Variants in SEC23B observed in about 807,000 individuals in gnomAD.
The protein encoded by SEC23B is protein transport protein Sec23B.
In SEC23B, 77 loss-of-function variants were observed where a neutral mutation model predicts 104.3. The ratio of observed to expected loss-of-function variants is 0.74; its 90% CI spans 0.61 to 0.89. The LOEUF (loss-of-function observed/expected upper bound fraction) is 0.89, where lower values mean the gene tolerates loss of function less well. SEC23B is among the 40% of genes least tolerant of loss of function. The pLI is 0.00. For synonymous variants in SEC23B, 338 were observed against 332.5 expected, an observed-to-expected ratio of 1.02 and a Z score of -0.18; for missense variants, 885 against 949.4, an observed-to-expected ratio of 0.93 and a Z score of 0.89.
At chr20:18,534,506 G>T (rs553211325) in intron 11 of SEC23B, among the ~76,000 whole-genome samples, 3 of 152,292 alleles carry the variant, frequency 2.0e-5, no homozygotes, top group South Asian at 4.1e-4. Flanking sequence ...CACTATGTCT[G>T]CTGTCCCGTG....
In SEC23B at chr20:18,545,459, G is replaced by A. The variant is rs534688363; in HGVS notation, c.1666-497G>A. ...GAAGAAAGTAATTGTTAGAAATGGGGTTTCTTTAAATGATGAACAGTCCAA... is the reference window on the plus strand; with the variant it reads ...GAAGAAAGTAATTGTTAGAAATGGGATTTCTTTAAATGATGAACAGTCCAA... On this transcript the variant is annotated intron_variant, in intron 14 of 19. Coordinates refer to ENST00000650089, the MANE Select transcript of SEC23B (RefSeq NM_006363.6). Among the ~76,000 whole-genome samples, 167 of 152,298 alleles carry A rather than the reference G, an allele frequency of 1.1e-3. 1 individual carries two copies. The highest frequency in any genetic ancestry group is 3.8e-3 in the African/African-American group (159 of 41,556).
At chr20:18,542,014 T>A (rs148739810) in intron 12 of SEC23B, among the ~76,000 whole-genome samples, 6 of 152,234 alleles carry the variant, frequency 3.9e-5, no homozygotes, top group Non-Finnish European at 8.8e-5. Flanking sequence ...ATCTTCGTTT[T>A]GCTGCATTTC....
chr20:18,547,427 G>T (rs2060342661), intron 15 of SEC23B, among the ~76,000 whole-genome samples: 1 of 152,156 alleles, frequency 6.6e-6, no homozygotes, highest in East Asian at 1.9e-4. Context: ...TGGAGTCTCA[G>T]GAAGCTTTAC....
intron 19 of SEC23B, among the ~76,000 whole-genome samples, chr20:18,560,151 TTAC>T (rs2060478840): frequency 1.3e-5 from 2 of 152,122 alleles, no homozygotes; most frequent in Admixed American, 1.3e-4. Context: ...AATTGGAATC[TTAC>T]TACAAATTGA....
At chr20:18,519,475 G>T (rs760679880) in intron 4 of SEC23B, among the ~76,000 whole-genome samples, 1 of 152,206 alleles carries the variant, frequency 6.6e-6, no homozygotes, top group Non-Finnish European at 1.5e-5. Context: ...AGCAGCTGCC[G>T]CACGGAGACA....
intron 4 of SEC23B, among the ~76,000 whole-genome samples, chr20:18,523,695 C>T (rs1391050368): frequency 9.3e-5 from 14 of 150,970 alleles, no homozygotes; most frequent in East Asian, 3.9e-4. Context: ...CCACTGTGCC[C>T]GGCCCTCTTT....
intron 12 of SEC23B, among the ~76,000 whole-genome samples, chr20:18,536,683 C>A (rs1339218952): frequency 3.3e-5 from 5 of 149,870 alleles, no homozygotes; most frequent in Non-Finnish European, 7.4e-5. Flanking sequence ...CAGAGCGAGA[C>A]TCCATCTCAA....
intron 15 of SEC23B, among the ~76,000 whole-genome samples, chr20:18,547,888 T>G (rs2060347268): frequency 6.6e-6 from 1 of 152,024 alleles, no homozygotes; most frequent in Non-Finnish European, 1.5e-5. Context: ...CTCTTAACTG[T>G]GGAAGCTTTG....
intron 15 of SEC23B, among the ~76,000 whole-genome samples, chr20:18,548,314 A>G (rs1304087602): frequency 6.6e-6 from 1 of 152,234 alleles, no homozygotes; most frequent in Non-Finnish European, 1.5e-5. Context: ...AAAATTTACC[A>G]TCTTAACCAT....
At chr20:18,528,833 A>AT (rs1036854342) in intron 9 of SEC23B, among the ~76,000 whole-genome samples, 13 of 152,116 alleles carry the variant, frequency 8.5e-5, no homozygotes, top group African/African-American at 3.1e-4. Flanking sequence ...GTTTGTGTGA[A>AT]TTTTTTCTGT....
intron 9 of SEC23B, among the ~76,000 whole-genome samples, chr20:18,529,918 G>C (rs1600247702): frequency 6.6e-6 from 1 of 152,206 alleles, no homozygotes; most frequent in East Asian, 1.9e-4. Context: ...GGCATAACTT[G>C]CGTCAAGCTG....
rs548423788 is a variant in SEC23B, at chr20:18,543,407, A to G, written c.1665+235A>G. On this transcript the variant is annotated intron_variant, in intron 14 of 19. Coordinates refer to ENST00000650089, the MANE Select transcript of SEC23B (RefSeq NM_006363.6). ...CATGGAGCATTTGGAGAGTGATACA[A>G]ATCTGTGTGGGTTGAGTTGACTTAG... Among the ~76,000 whole-genome samples, 125 of 152,190 alleles carry G rather than the reference A, an allele frequency of 8.2e-4. 1 individual carries two copies. Among genetic ancestry groups the G allele is most frequent in the Non-Finnish European group, 1.6e-3 (110 of 68,044 alleles).
At chr20:18,527,638 G>C in intron 9 of SEC23B, 27 bp downstream of exon 9, 1 of 1,337,404 alleles carries the variant, frequency 7.5e-7, no homozygotes, top group Non-Finnish European at 1.1e-6. Context: ...AACCTGGGCA[G>C]AGTGACAGTG....
rs762553551 is a variant in SEC23B at position 18,551,069 on chromosome 20, TTCTC to T, written c.1906-14_1906-11del. The T allele has an allele frequency of 3.9e-6, 6 of 1,547,168 alleles. No homozygotes were observed. The highest frequency in any genetic ancestry group is 1.7e-4 in the Middle Eastern group (1 of 5,980). On this transcript the variant is annotated splice_polypyrimidine_tract_variant and intron_variant, in intron 16 of 19. Coordinates refer to ENST00000650089, the MANE Select transcript of SEC23B (RefSeq NM_006363.6). ...GGAGCAGGGAAGACCAATGCCATCT[TTCTC>T]TCTCTTTTTCTTCAGCCAGTACTCT...
At chr20:18,555,243 C>T in intron 19 of SEC23B, 70 bp downstream of exon 19, 1 of 1,277,948 alleles carries the variant, frequency 7.8e-7, no homozygotes, top group Non-Finnish European at 1.1e-6. Context: ...TAAAATTCTA[C>T]AAATTGGATC....
At chr20:18,547,412 A>G (rs961474580) in intron 15 of SEC23B, among the ~76,000 whole-genome samples, 1 of 152,120 alleles carries the variant, frequency 6.6e-6, no homozygotes, top group African/African-American at 2.4e-5. Flanking sequence ...CTATGATTGA[A>G]TATTTGGAGT....
At chr20:18,528,154 A>G (rs1363717106) in intron 9 of SEC23B, among the ~76,000 whole-genome samples, 1 of 152,128 alleles carries the variant, frequency 6.6e-6, no homozygotes, top group Non-Finnish European at 1.5e-5. Context: ...ACTGATTGGA[A>G]TTGTATATTT....
chr20:18,529,037 A>G (rs779263143), intron 9 of SEC23B, among the ~76,000 whole-genome samples: 4 of 152,246 alleles, frequency 2.6e-5, no homozygotes, highest in Non-Finnish European at 5.9e-5. Context: ...TGTTCTGAAC[A>G]TTGCAATTTC....
At chr20:18,526,757 A>C (rs976039660) in intron 8 of SEC23B, among the ~76,000 whole-genome samples, 1 of 152,216 alleles carries the variant, frequency 6.6e-6, no homozygotes, top group East Asian at 1.9e-4. Context: ...AATGAAAACT[A>C]TATTTTTATT....
Sources: gnomAD v4.1 joint callset for allele counts (sites outside exome capture counted in the v4.1 genomes callset) on GRCh38, gnomAD v4.1.1 for gene constraint, MANE v1.5 for transcripts, NCBI Gene and HGNC (gene_info 2026-07-23, HGNC 2026-07-21) for gene names.